Variants in FMN2 observed in about 807,000 individuals in gnomAD.
FMN2 encodes formin-2.
In FMN2, 51 loss-of-function variants were observed where a neutral mutation model predicts 142.3. The observed-to-expected ratio is 0.36, with a 90% CI of 0.29 to 0.45. The LOEUF (loss-of-function observed/expected upper bound fraction) is 0.45. Ranked by LOEUF, FMN2 falls within the 20% of genes least tolerant of loss-of-function variation. The pLI is 1.00. For synonymous variants in FMN2, 882 were observed against 869.8 expected (o/e 1.01, Z -0.25); for missense variants, 1,936 against 2,122.8 (o/e 0.91, Z 1.73).
chr1:240,237,536 C>T (rs950544682), intron 6 of FMN2, among the ~76,000 whole-genome samples: 5 of 152,042 alleles, frequency 3.3e-5, no homozygotes, highest in Admixed American at 1.3e-4. Flanking sequence ...AATTAAATAC[C>T]GCAGCTGGTC....
At chr1:240,415,562 T>G (rs1254922800) in intron 15 of FMN2, among the ~76,000 whole-genome samples, 13 of 151,772 alleles carry the variant, frequency 8.6e-5, no homozygotes, top group Non-Finnish European at 2.9e-5. Context: ...CTCCACCTGA[T>G]GTTGGTAATC....
intron 14 of FMN2, among the ~76,000 whole-genome samples, chr1:240,389,234 T>G (rs1441026429): frequency 6.6e-6 from 1 of 152,232 alleles, no homozygotes; most frequent in African/African-American, 2.4e-5. Context: ...TACACTGGCT[T>G]TCAAAACTCT....
chr1:240,240,239 A>G (rs1667847008), intron 6 of FMN2, among the ~76,000 whole-genome samples: 1 of 152,130 alleles, frequency 6.6e-6, no homozygotes, highest in African/African-American at 2.4e-5. Flanking sequence ...TGCCTGGCTC[A>G]TTTCCTAGCT....
chr1:240,346,858 C>T (rs970571401), intron 13 of FMN2, among the ~76,000 whole-genome samples: 2 of 152,044 alleles, frequency 1.3e-5, no homozygotes, highest in Non-Finnish European at 2.9e-5. Context: ...CATTAAAGAA[C>T]ATAAGAAATT....
intron 2 of FMN2, chr1:240,170,325 G>A: frequency 9.2e-7 from 1 of 1,087,272 alleles, no homozygotes; most frequent in South Asian, 1.2e-5. Context: ...CCTATACCCT[G>A]AGCAGAGCTG....
rs12045282 is a variant in FMN2, at chr1:240,450,458, A to G, written c.5060+12248A>G. 7.7e-3 allele frequency among the ~76,000 whole-genome samples: 1,166 copies of G among 152,304 alleles called. 23 individuals carry two copies. The highest frequency in any genetic ancestry group is 0.063 in the South Asian group (303 of 4,824). On this transcript the variant is annotated intron_variant, in intron 16 of 17. Coordinates refer to ENST00000319653, the MANE Select transcript of FMN2 (RefSeq NM_020066.5). ...ACCTTGAATGTCTTTCTAAGTCTGA[A>G]CACTTTAGGTAATCAACCTCATCTG...
chr1:240,141,010 A>G (rs1044673404), intron 2 of FMN2, among the ~76,000 whole-genome samples: 2 of 152,224 alleles, frequency 1.3e-5, no homozygotes, highest in South Asian at 2.1e-4. Flanking sequence ...CTTTTTCCCC[A>G]TGCTGCACTG....
chr1:240,218,276 T>C (rs10926171), intron 6 of FMN2, among the ~76,000 whole-genome samples: 87,612 of 124,982 alleles, frequency 0.7, 30,003 homozygotes, highest in African/African-American at 0.82. Context: ...AGCGAGACTC[T>C]GTCTCAAAAA....
At chr1:240,364,556 A>G (rs1672598253) in intron 14 of FMN2, among the ~76,000 whole-genome samples, 2 of 152,130 alleles carry the variant, frequency 1.3e-5, no homozygotes, top group South Asian at 4.1e-4. Flanking sequence ...TGGAAACAAA[A>G]ATAGTTTATA....
chr1:240,322,590 A>T (rs1671009544), intron 8 of FMN2, among the ~76,000 whole-genome samples: 2 of 152,310 alleles, frequency 1.3e-5, no homozygotes, highest in Admixed American at 1.3e-4. Context: ...AAATAAAATT[A>T]CAGTGGCGGT....
At chr1:240,213,576 A>G (rs1263202889) in intron 6 of FMN2, among the ~76,000 whole-genome samples, 1 of 152,214 alleles carries the variant, frequency 6.6e-6, no homozygotes, top group Non-Finnish European at 1.5e-5. Context: ...GATGCATGCA[A>G]ATTGTTCCCC....
chr1:240,296,649 C>T (rs1329746501), intron 8 of FMN2, among the ~76,000 whole-genome samples: 2 of 150,276 alleles, frequency 1.3e-5, no homozygotes, highest in African/African-American at 2.4e-5. Context: ...TGTATTCAAC[C>T]TGCTCATCCA....
At chr1:240,384,680 A>T (rs1452266589) in intron 14 of FMN2, among the ~76,000 whole-genome samples, 7 of 152,034 alleles carry the variant, frequency 4.6e-5, no homozygotes, top group Non-Finnish European at 1.0e-4. Flanking sequence ...ACTTAACTGT[A>T]CTCATAACTA....
chr1:240,370,040 C>G (rs1485337868), intron 14 of FMN2, among the ~76,000 whole-genome samples: 1 of 152,052 alleles, frequency 6.6e-6, no homozygotes, highest in Non-Finnish European at 1.5e-5. Context: ...TAAGATGTCT[C>G]TGTGGTTATG....
chr1:240,147,300 A>T (rs976531096), intron 2 of FMN2, among the ~76,000 whole-genome samples: 1 of 152,122 alleles, frequency 6.6e-6, no homozygotes, highest in Non-Finnish European at 1.5e-5. Context: ...ATTCCAACCC[A>T]CGAAGGCTGA....
chr1:240,209,908 ATAAG>A (rs551536697), intron 5 of FMN2, among the ~76,000 whole-genome samples: 71 of 152,020 alleles, frequency 4.7e-4, no homozygotes, highest in South Asian at 1.0e-3. Context: ...CGTCTCAAAA[ATAAG>A]TAAGTAAGTA....
intron 15 of FMN2, among the ~76,000 whole-genome samples, chr1:240,424,140 G>A (rs1674858838): frequency 6.6e-6 from 1 of 152,128 alleles, no homozygotes; most frequent in African/African-American, 2.4e-5. Context: ...CTGTGTCTGT[G>A]TATACATACA....
chr1:240,267,382 G>A (rs1396349231), intron 7 of FMN2, among the ~76,000 whole-genome samples: 1 of 151,978 alleles, frequency 6.6e-6, no homozygotes. Context: ...ACTAACACAG[G>A]AAAAGAAAAC....
Position 240,356,368 on chromosome 1 carries a change from T to A in FMN2, c.4858+460T>A, listed in dbSNP as rs191973498. Among the ~76,000 whole-genome samples the A allele has an allele frequency of 2.6e-3, 398 of 152,252 alleles. 3 individuals carry two copies. The highest frequency in any genetic ancestry group is 8.8e-3 in the African/African-American group (365 of 41,554). ...GTTGTTCGGATCTTCAGAGCATTAT[T>A]TGCAGTTTTTTTAATGGGATACGCC... On this transcript the variant is annotated intron_variant, in intron 14 of 17. Transcript: ENST00000319653.
Sources: gnomAD v4.1 joint callset for allele counts (sites outside exome capture counted in the v4.1 genomes callset) on GRCh38, gnomAD v4.1.1 for gene constraint, MANE v1.5 for transcripts, NCBI Gene and HGNC (gene_info 2026-07-23, HGNC 2026-07-21) for gene names.